The following SMARCA2 variants were observed in gnomAD, a reference collection of about 807,000 sequenced individuals.
SMARCA2 encodes the protein SWI/SNF-related matrix-associated actin-dependent regulator of chromatin subfamily A member 2.
SMARCA2 carries 61 observed loss-of-function variants against 199.8 expected under a neutral mutation model. The observed-to-expected ratio is 0.31, with a 90% confidence interval of 0.25 to 0.38. SMARCA2 has a LOEUF of 0.38. Ranked by LOEUF, SMARCA2 falls within the 10% of genes least tolerant of loss-of-function variation. The pLI is 1.00. For synonymous variants in SMARCA2, 935 were observed against 732.0 expected, an observed-to-expected ratio of 1.28 and a Z score of -4.48; for missense variants, 1,344 against 2,012.2, an observed-to-expected ratio of 0.67 and a Z score of 6.35.
intron 5 of SMARCA2, among the ~76,000 whole-genome samples, chr9:2,048,169 C>G (rs1819960788): frequency 6.6e-6 from 1 of 152,130 alleles, no homozygotes; most frequent in Non-Finnish European, 1.5e-5. Context: ...CAAAAACAGG[C>G]TGGAGGCAGA....
intron 27 of SMARCA2, among the ~76,000 whole-genome samples, chr9:2,150,674 A>C (rs371704340): frequency 4.0e-5 from 6 of 151,608 alleles, no homozygotes; most frequent in African/African-American, 1.5e-4. Flanking sequence ...GACAAATTTT[A>C]GTTACCCTAT....
At chr9:2,066,747 G>A (rs914419246) in intron 9 of SMARCA2, among the ~76,000 whole-genome samples, 3 of 152,188 alleles carry the variant, frequency 2.0e-5, no homozygotes, top group Admixed American at 1.3e-4. Context: ...GCATGTGTCT[G>A]CAATTAAACG....
intron 3 of SMARCA2, among the ~76,000 whole-genome samples, chr9:2,033,567 C>G (rs1166376598): frequency 1.3e-5 from 2 of 152,228 alleles, no homozygotes; most frequent in African/African-American, 2.4e-5. Context: ...GTCTATAAGG[C>G]AGCTTTATCT....
intron 10 of SMARCA2, among the ~76,000 whole-genome samples, chr9:2,071,271 A>G (rs1049652680): frequency 2.0e-5 from 3 of 152,244 alleles, no homozygotes; most frequent in African/African-American, 4.8e-5. Context: ...TTGAACCACT[A>G]TTCTATGCAG....
intron 31 of SMARCA2, among the ~76,000 whole-genome samples, chr9:2,184,536 G>T (rs1365699796): frequency 6.6e-6 from 1 of 151,430 alleles, no homozygotes; most frequent in Admixed American, 6.6e-5. Context: ...ATTTTTTTTA[G>T]TAGAGATGGG....
chr9:2,032,687 T>C, intron 2 of SMARCA2: 1 of 292,782 alleles, frequency 3.4e-6, no homozygotes, highest in Non-Finnish European at 6.4e-6. Flanking sequence ...GACCAGGACT[T>C]CATTTTCATT....
intron 27 of SMARCA2, among the ~76,000 whole-genome samples, chr9:2,124,447 G>A (rs1158805530): frequency 2.0e-5 from 3 of 152,202 alleles, no homozygotes; most frequent in Non-Finnish European, 4.4e-5. Context: ...TACTTTTAGA[G>A]CTGGAAGGTA....
Position 2,192,818 on chromosome 9 carries a change from A to G in SMARCA2, c.*79A>G, listed in dbSNP as rs979497925. The G allele has an allele frequency of 9.7e-7, 1 of 1,026,096 alleles. No homozygotes were observed. Among genetic ancestry groups the G allele is most frequent in the Admixed American group, 1.8e-5 (1 of 56,882 alleles). The allele number at this position is 1,026,096 out of a possible 1,614,324, so 63.6% of individuals were successfully genotyped here. A position where few individuals can be genotyped will look rare whatever the true frequency, so the allele number is the denominator to read the frequency against. On this transcript the variant is annotated 3_prime_UTR_variant, in exon 34 of 34. Transcript: ENST00000349721. ...TTTCTACCCAGTGAGTTCATTTGTC[A>G]TATAGGCACTGGGTTGTTTCTATAT...
chr9:2,064,874 C>T (rs1048069370), intron 9 of SMARCA2, among the ~76,000 whole-genome samples: 3 of 152,178 alleles, frequency 2.0e-5, no homozygotes, highest in Non-Finnish European at 4.4e-5. Flanking sequence ...CAGGAGCAGC[C>T]CTGCCTATTG....
rs776593407 is a variant in SMARCA2, at chr9:2,073,349, C to T, written c.1877+7C>T. On this transcript the variant is annotated splice_region_variant and intron_variant, in intron 11 of 33. Coordinates refer to ENST00000349721, the MANE Select transcript of SMARCA2 (RefSeq NM_003070.5). ...GGCTGGAAATGAATCCTGGGTAAGGCATGAAAGCAGCGTTCATGGTGTTCT... is the reference window on the plus strand; with the variant it reads ...GGCTGGAAATGAATCCTGGGTAAGGTATGAAAGCAGCGTTCATGGTGTTCT... The T allele has an allele frequency of 9.3e-6, 15 of 1,613,998 alleles. No individual in the cohort carries two copies. The highest frequency in any genetic ancestry group is 1.1e-5 in the Non-Finnish European group (13 of 1,180,022).
At chr9:2,069,560 A>G (rs1821002187) in intron 9 of SMARCA2, among the ~76,000 whole-genome samples, 1 of 146,368 alleles carries the variant, frequency 6.8e-6, no homozygotes, top group South Asian at 2.1e-4. Context: ...CTCTGTCTCA[A>G]AAAAAAAAAA....
Position 2,039,811 on chromosome 9 carries a change from A to G in SMARCA2, c.701A>G (p.Gln234Arg), listed in dbSNP as rs560604623. The change falls in exon 4 of 34, where the codon CAG becomes CGG. Residue 234 changes from glutamine to arginine, a missense_variant. Coordinates refer to ENST00000349721, the MANE Select transcript of SMARCA2 (RefSeq NM_003070.5). The surrounding 1 kb of genome is among the most constrained non-coding windows in gnomAD (Gnocchi z 4.8). ...CAGCAGCAGCAGCAGCAGCAGCAGC[A>G]GCAGCAACAGCAGCCGCAGCAGCAG... ...QQQQQQQQQQQQQQQPQQQPP... is the reference protein window; with the variant it reads ...QQQQQQQQQQRQQQQPQQQPP... 1.9e-6 allele frequency: 3 copies of G among 1,603,930 alleles called. No homozygotes were observed. The highest frequency in any genetic ancestry group is 1.7e-6 in the Non-Finnish European group (2 of 1,173,866).
chr9:2,153,887 T>C (rs960093720), intron 27 of SMARCA2, among the ~76,000 whole-genome samples: 1 of 152,190 alleles, frequency 6.6e-6, no homozygotes, highest in African/African-American at 2.4e-5. Flanking sequence ...GCTGAAAGTC[T>C]TCCTAAGATG....
intron 17 of SMARCA2, among the ~76,000 whole-genome samples, chr9:2,084,610 T>C (rs1396902984): frequency 6.6e-6 from 1 of 152,194 alleles, no homozygotes; most frequent in Non-Finnish European, 1.5e-5. Flanking sequence ...TGTGCCTTTG[T>C]TTCTCCAAAG....
At chr9:2,069,577 T>C (rs1424362867) in intron 9 of SMARCA2, among the ~76,000 whole-genome samples, 1 of 148,222 alleles carries the variant, frequency 6.7e-6, no homozygotes, top group Non-Finnish European at 1.5e-5. Flanking sequence ...AAAAAAGAAA[T>C]GGTAGATAAC....
At chr9:2,064,795 C>T (rs7035898) in intron 9 of SMARCA2, among the ~76,000 whole-genome samples, 48,763 of 152,008 alleles carry the variant, frequency 0.32, 10,247 homozygotes, top group African/African-American at 0.61. Context: ...GGGTTCCTGG[C>T]GATTATGAGG....
chr9:2,054,577 C>T lies in SMARCA2; in HGVS notation c.1047-20C>T. The stretch of plus-strand genomic sequence containing the variant: ...TGTTTTTCCCCTGCCCCCTTTTCCC[C>T]ATTTTATTGTTTCCTTTAGACTTCA... On this transcript the variant is annotated intron_variant, in intron 5 of 33. Coordinates refer to ENST00000349721, the MANE Select transcript of SMARCA2 (RefSeq NM_003070.5). The T allele has an allele frequency of 6.2e-7, 1 of 1,601,482 alleles. No individual in the cohort carries two copies. The highest frequency in any genetic ancestry group is 8.5e-7 in the Non-Finnish European group (1 of 1,172,740).
intron 8 of SMARCA2, among the ~76,000 whole-genome samples, chr9:2,059,950 GCTTAGAGTA>G (rs988645657): frequency 6.6e-5 from 10 of 151,992 alleles, no homozygotes; most frequent in Admixed American, 3.3e-4. Flanking sequence ...TCTCAAAATG[GCTTAGAGTA>G]CATCAGAGTT....
chr9:2,097,086 C>A, intron 20 of SMARCA2: 1 of 493,634 alleles, frequency 2.0e-6, no homozygotes, highest in Non-Finnish European at 3.6e-6. Flanking sequence ...GGCATCTGTT[C>A]TGTGCTTCTG....
Sources: allele counts gnomAD v4.1 joint callset (sites outside exome capture counted in the v4.1 genomes callset), GRCh38; gene constraint gnomAD v4.1.1; non-coding constraint Gnocchi (gnomAD v3.1); transcripts MANE v1.5; gene names NCBI Gene and HGNC (gene_info 2026-07-23, HGNC 2026-07-21).